S100B: variants seen among roughly 807,000 people sequenced by gnomAD.
S100B encodes the protein protein S100-B.
In S100B, 6 loss-of-function variants were observed where a neutral mutation model predicts 7.7. That is an observed-to-expected ratio of 0.78 (90% CI 0.43 to 1.54). The LOEUF (loss-of-function observed/expected upper bound fraction) is 1.54, where lower values mean the gene tolerates loss of function less well. Ranked by LOEUF, S100B falls within the 40% of genes most tolerant of loss-of-function variation. The probability of loss-of-function intolerance (pLI) is 0.01; values close to 1 mark genes in which losing one functional copy is unlikely to be tolerated. For synonymous variants in S100B, 36 were observed against 40.4 expected, an observed-to-expected ratio of 0.89 and a Z score of 0.41; for missense variants, 99 against 111.8, an observed-to-expected ratio of 0.89 and a Z score of 0.52.
intron 1 of S100B, 104 bp from the exon 2 acceptor site, chr21:46,602,520 G>A: frequency 8.4e-7 from 1 of 1,190,364 alleles, no homozygotes; most frequent in Non-Finnish European, 1.2e-6. Context: ...GGATGGAATG[G>A]CCTTGGCACT....
chr21:46,604,484 T>C (rs2061051910), intron 1 of S100B, among the ~76,000 whole-genome samples: 1 of 152,192 alleles, frequency 6.6e-6, no homozygotes, highest in Non-Finnish European at 1.5e-5. Flanking sequence ...TATTTGTAAT[T>C]GTTACGTAAT....
rs745998847 is a variant in S100B at position 46,598,641 on chromosome 21, G to A, written c.*722C>T. ...CTCTTTTTATTGAACGCAGGCCCTC[G>A]CGGTGGCTCAGAGCCCCCGGTAGTG... On this transcript the variant is annotated 3_prime_UTR_variant, in exon 3 of 3. Transcript: ENST00000291700. Among the ~76,000 whole-genome samples, 3 of 152,156 alleles carry A rather than the reference G, an allele frequency of 2.0e-5. No homozygotes were observed. Among genetic ancestry groups the A allele is most frequent in the Non-Finnish European group, 2.9e-5 (2 of 68,034 alleles).
intron 1 of S100B, among the ~76,000 whole-genome samples, chr21:46,603,392 A>AGGGGGCGGGG (rs1555923741): frequency 2.6e-5 from 1 of 38,206 alleles, no homozygotes; most frequent in African/African-American, 1.0e-4. Context: ...GGACGGCGGG[A>AGGGGGCGGGG]GGGGGTGGGG....
At chr21:46,600,341 G>A in intron 2 of S100B, 1 of 434,846 alleles carries the variant, frequency 2.3e-6, no homozygotes, top group Non-Finnish European at 4.6e-6. Context: ...CAGGAAGTTT[G>A]AGACCAGCCT....
intron 1 of S100B, among the ~76,000 whole-genome samples, chr21:46,603,751 G>A (rs913831925): frequency 6.7e-5 from 10 of 149,730 alleles, no homozygotes; most frequent in South Asian, 2.1e-4. Flanking sequence ...CTGATCCTCC[G>A]AAGGAAACAG....
chr21:46,600,252 C>A (rs1312133363), intron 2 of S100B: 2 of 329,346 alleles, frequency 6.1e-6, no homozygotes, highest in Non-Finnish European at 1.2e-5. Context: ...GGCTATAAGA[C>A]ACACAGGGGT....
chr21:46,600,007 A>G (rs2061037111), intron 2 of S100B, among the ~76,000 whole-genome samples: 1 of 152,206 alleles, frequency 6.6e-6, no homozygotes, highest in Admixed American at 6.5e-5. Flanking sequence ...ATTGCTTTCT[A>G]GGTGTCATGA....
Position 46,599,259 on chromosome 21 carries a change from C to A in S100B, c.*104G>T. 9.4e-7 allele frequency: 1 copy of A among 1,061,146 alleles called. No homozygotes were observed. Among genetic ancestry groups the A allele is most frequent in the Non-Finnish European group, 1.4e-6 (1 of 715,626 alleles). 65.7% of individuals were successfully genotyped at this position (1,061,146 alleles called of 1,614,324 possible). A position where few individuals can be genotyped will look rare whatever the true frequency, so the allele number is the denominator to read the frequency against. Reference sequence around the variant, plus strand: ...GCAAATCAAGCTTCCTAATTAGCTACAACACGGCTGGAAAGCTCAGCTCCT... The same window carrying A: ...GCAAATCAAGCTTCCTAATTAGCTAAAACACGGCTGGAAAGCTCAGCTCCT... On this transcript the variant is annotated 3_prime_UTR_variant, in exon 3 of 3. Transcript: ENST00000291700.
intron 1 of S100B, 175 bp from the exon 2 acceptor site, chr21:46,602,591 A>G (rs988374640): frequency 6.8e-6 from 4 of 592,132 alleles, no homozygotes; most frequent in Non-Finnish European, 1.1e-5. Flanking sequence ...TTGCACTTTT[A>G]TCATAATCCT....
intron 2 of S100B, among the ~76,000 whole-genome samples, chr21:46,600,779 T>A (rs1300082645): frequency 6.6e-6 from 1 of 152,214 alleles, no homozygotes; most frequent in East Asian, 1.9e-4. Context: ...CAAAGCTTTT[T>A]CTATGTATAA....
In S100B at chr21:46,599,132, C is replaced by A. The variant is rs2839354; in HGVS notation, c.*231G>T. On this transcript the variant is annotated 3_prime_UTR_variant, in exon 3 of 3. Transcript: ENST00000291700. The stretch of plus-strand genomic sequence containing the variant: ...CCTAAGTTACTGTTAACAAGAGTCC[C>A]TGGGGCCAGTCAGCTTACACACAGG... 0.031 allele frequency: 16,941 copies of A among 545,920 alleles called. 1,170 individuals carry two copies. Among genetic ancestry groups the A allele is most frequent in the African/African-American group, 0.19 (9,953 of 52,606 alleles). The allele number at this position is 545,920 out of a possible 1,614,324, so 33.8% of individuals were successfully genotyped here. A position where few individuals can be genotyped will look rare whatever the true frequency, so the allele number is the denominator to read the frequency against.
At chr21:46,601,568 C>T (rs983165261) in intron 2 of S100B, among the ~76,000 whole-genome samples, 7 of 152,160 alleles carry the variant, frequency 4.6e-5, no homozygotes, top group Non-Finnish European at 8.8e-5. Flanking sequence ...GACATACTTC[C>T]ACCACAAGCC....
intron 2 of S100B, 56 bp from the exon 3 acceptor site, chr21:46,599,559 C>CAA: frequency 6.6e-7 from 1 of 1,509,044 alleles, no homozygotes; most frequent in Non-Finnish European, 9.2e-7. Flanking sequence ...TTTGGACCAT[C>CAA]AAAACATGAT....
In S100B at chr21:46,599,496, T is replaced by G; in HGVS notation, c.146A>C (p.Lys49Thr). ...NELSHFLEEI[K>T]EQEVVDKVME... Reference sequence around the variant, plus strand: ...GACTTTGTCCACAACCTCCTGCTCTTTGATTTCCTAAGAGAGATAAAAGGA... The same window carrying G: ...GACTTTGTCCACAACCTCCTGCTCTGTGATTTCCTAAGAGAGATAAAAGGA... The change falls in exon 3 of 3, where the codon AAA (lysine) becomes ACA (threonine). Residue 49 changes from lysine to threonine, a missense_variant. By Grantham distance (78) the Lys-to-Thr change is moderately conservative. Transcript: ENST00000291700. 1.2e-6 allele frequency: 2 copies of G among 1,614,168 alleles called. No individual in the cohort carries two copies. The highest frequency in any genetic ancestry group is 1.7e-6 in the Non-Finnish European group (2 of 1,179,992).
intron 1 of S100B, among the ~76,000 whole-genome samples, chr21:46,603,392 A>AGGGGGGGGC (rs1555923741): frequency 2.6e-5 from 1 of 38,206 alleles, no homozygotes. Flanking sequence ...GGACGGCGGG[A>AGGGGGGGGC]GGGGGTGGGG....
rs375166815 is a variant in S100B, at chr21:46,602,394, T to C, written c.22A>G (p.Met8Val). MSELEKA[M>V]VALIDVFHQY... The stretch of plus-strand genomic sequence containing the variant: ...TGGAAAACGTCGATGAGGGCCACCA[T>C]GGCCTTCTCCAGCTCAGACATCCTA... The change falls in exon 2 of 3, where the codon ATG (methionine) becomes GTG (valine). Residue 8 changes from methionine (M) to valine (V), a missense_variant. Transcript: ENST00000291700. 8.1e-6 allele frequency: 13 copies of C among 1,614,142 alleles called. No homozygotes were observed. The highest frequency in any genetic ancestry group is 7.7e-5 in the South Asian group (7 of 91,076).
At chr21:46,601,366 T>C (rs1212323545) in intron 2 of S100B, among the ~76,000 whole-genome samples, 1 of 152,192 alleles carries the variant, frequency 6.6e-6, no homozygotes, top group Non-Finnish European at 1.5e-5. Context: ...GTTTCATATG[T>C]GCACACCACT....
Position 46,603,398 on chromosome 21 carries a change from T to TGGGGGAGGAGGGGGGGGC in S100B, c.-1-983_-1-982insGCCCCCCCCTCCTCCCCC. Among the ~76,000 whole-genome samples, 77 of 52,126 alleles carry TGGGGGAGGAGGGGGGGGC rather than the reference T, an allele frequency of 1.5e-3. 1 individual carries two copies. Among genetic ancestry groups the TGGGGGAGGAGGGGGGGGC allele is most frequent in the African/African-American group, 5.0e-3 (71 of 14,130 alleles). The allele number at this position is 52,126 out of a possible 152,430, so 34.2% of individuals were successfully genotyped here. On this transcript the variant is annotated intron_variant, in intron 1 of 2. Coordinates refer to ENST00000291700, the MANE Select transcript of S100B (RefSeq NM_006272.3). ...CAGTGACTGGGACGGCGGGAGGGGGTGGGGGCAGGAATAGGTGTTTCTCTG... is the reference window on the plus strand; with the variant it reads ...CAGTGACTGGGACGGCGGGAGGGGGTGGGGGAGGAGGGGGGGGCGGGGGCAGGAATAGGTGTTTCTCTG...
Position 46,600,477 on chromosome 21 carries a change from T to G in S100B, c.139-974A>C, listed in dbSNP as rs906765155. 12 of 360,064 alleles carry G rather than the reference T, an allele frequency of 3.3e-5. No homozygotes were observed. In the Admixed American group the frequency reaches 3.6e-4, roughly 11 times the overall value. 22.3% of individuals were successfully genotyped at this position (360,064 alleles called of 1,614,324 possible). On this transcript the variant is annotated intron_variant, in intron 2 of 2. Transcript: ENST00000291700. ...GGAGGATCGCTTGAGCCTGGGAGGT[T>G]GAGGCTGCAATGAGCCAAGATTGCA...
Sources: gnomAD v4.1 joint callset for allele counts (sites outside exome capture counted in the v4.1 genomes callset) on GRCh38, gnomAD v4.1.1 for gene constraint, MANE v1.5 for transcripts, NCBI Gene and HGNC (gene_info 2026-07-23, HGNC 2026-07-21) for gene names.